RGS12: variants seen among roughly 807,000 people sequenced by gnomAD.
The protein encoded by RGS12 is regulator of G-protein signaling 12.
Under a neutral mutation model 120.1 loss-of-function variants are expected in RGS12, and 66 were observed. The observed-to-expected ratio is 0.55, with a 90% confidence interval of 0.45 to 0.67. The LOEUF is 0.67. Among genes scored for constraint, RGS12 ranks in the 30% least tolerant of loss-of-function variants. The pLI is 0.00. For synonymous variants in RGS12, 827 were observed against 804.7 expected (o/e 1.03, Z -0.47); for missense variants, 1,859 against 1,957.7 (o/e 0.95, Z 0.95).
intron 14 of RGS12, among the ~76,000 whole-genome samples, chr4:3,427,082 C>T (rs1723735853): frequency 6.6e-6 from 1 of 152,208 alleles, no homozygotes; most frequent in African/African-American, 2.4e-5. Flanking sequence ...CTCCCCTCCC[C>T]AACTCCTCAC....
intron 1 of RGS12, among the ~76,000 whole-genome samples, chr4:3,309,729 G>A (rs1724237017): frequency 7.0e-6 from 1 of 143,740 alleles, no homozygotes; most frequent in African/African-American, 2.6e-5. Flanking sequence ...AATGGCAGGT[G>A]TCCTCTGAGG....
At chr4:3,325,475 A>T (rs1480241226) in intron 2 of RGS12, among the ~76,000 whole-genome samples, 1 of 152,212 alleles carries the variant, frequency 6.6e-6, no homozygotes, top group Non-Finnish European at 1.5e-5. Context: ...CATCCTTGAT[A>T]GCTTGTCACA....
intron 17 of RGS12, among the ~76,000 whole-genome samples, chr4:3,438,214 A>G (rs1049225043): frequency 6.6e-6 from 1 of 151,932 alleles, no homozygotes; most frequent in Non-Finnish European, 1.5e-5. Context: ...CAAGGCCTCC[A>G]CCCTGGCATG....
At chr4:3,404,616 C>T (rs1027381132) in intron 4 of RGS12, among the ~76,000 whole-genome samples, 3 of 152,174 alleles carry the variant, frequency 2.0e-5, no homozygotes, top group Non-Finnish European at 4.4e-5. Flanking sequence ...AGGATGTGCT[C>T]AGGGTGTTGG....
rs768591229 is a variant in RGS12, at chr4:3,317,942, C to T, written c.1772C>T (p.Ala591Val). 1.1e-5 allele frequency: 17 copies of T among 1,614,040 alleles called. No homozygotes were observed. The highest frequency in any genetic ancestry group is 1.6e-4 in the Middle Eastern group (1 of 6,082). Residue 591 changes from alanine to valine, a missense_variant, in exon 2 of 18, where the codon GCG becomes GTG. Transcript: ENST00000336727. ...ADRYRVEGSF[A>V]QPPLNAPKRE... The stretch of plus-strand genomic sequence containing the variant: ...CGCTACAGGGTGGAGGGCAGCTTCG[C>T]GCAGCCCCCGCTGAATGCCCCGAAG...
At chr4:3,312,246 A>G (rs528944507) in intron 1 of RGS12, among the ~76,000 whole-genome samples, 53 of 152,220 alleles carry the variant, frequency 3.5e-4, no homozygotes, top group Non-Finnish European at 4.6e-4. Context: ...AGTTTTAAAA[A>G]AAATTAAACT....
intron 17 of RGS12, chr4:3,432,325 A>G: frequency 2.9e-6 from 1 of 343,310 alleles, no homozygotes; most frequent in Non-Finnish European, 4.1e-6. Context: ...TATACCATCC[A>G]CTGAACAAAA....
chr4:3,411,391 CGT>C (rs1721718010), intron 4 of RGS12, among the ~76,000 whole-genome samples: 1 of 151,836 alleles, frequency 6.6e-6, no homozygotes. Context: ...TGTGTGTTCT[CGT>C]GTTAGGCCTG....
At chr4:3,399,537 G>C (rs919625722) in intron 4 of RGS12, among the ~76,000 whole-genome samples, 1 of 152,178 alleles carries the variant, frequency 6.6e-6, no homozygotes, top group African/African-American at 2.4e-5. Context: ...AGACTAAGAA[G>C]TAACACTATA....
intron 10 of RGS12, among the ~76,000 whole-genome samples, chr4:3,422,043 G>A (rs555015671): frequency 2.0e-5 from 3 of 152,336 alleles, no homozygotes; most frequent in Admixed American, 1.3e-4. Context: ...CCCTGGGAGG[G>A]AGTGGTCCTC....
In RGS12 at chr4:3,414,839, A is replaced by C; in HGVS notation, c.2278A>C (p.Lys760Gln). 6.2e-7 allele frequency: 1 copy of C among 1,611,184 alleles called. No individual in the cohort carries two copies. The highest frequency in any genetic ancestry group is 8.5e-7 in the Non-Finnish European group (1 of 1,177,308). The change falls in exon 6 of 18, where the codon AAG (lysine) becomes CAG (glutamine). Residue 760 changes from lysine to glutamine, a missense_variant. By Grantham distance (53) the Lys-to-Gln change is moderately conservative. This residue lies in a region of RGS12 where 375 missense variants were observed against 475.0 expected (regional missense o/e 0.79). Transcript: ENST00000336727. ...YFNHVPAHDK[K>Q]ELSYRAREIF... ...TAATCATGTTCCTGCACATGACAAAAAGGAGGTAAGTCCACGCTTGGGAAG... is the reference window on the plus strand; with the variant it reads ...TAATCATGTTCCTGCACATGACAAACAGGAGGTAAGTCCACGCTTGGGAAG...
chr4:3,439,073 A>T (rs372986532), intron 17 of RGS12, among the ~76,000 whole-genome samples: 1 of 151,016 alleles, frequency 6.6e-6, no homozygotes, highest in African/African-American at 2.4e-5. Flanking sequence ...GCCCTTGAGG[A>T]TGGGCCCTGG....
intron 17 of RGS12, among the ~76,000 whole-genome samples, chr4:3,436,116 CAG>C (rs1228965361): frequency 2.0e-5 from 3 of 148,478 alleles, no homozygotes; most frequent in Non-Finnish European, 4.6e-5. Context: ...CCCACACGGA[CAG>C]GGGGACCTTG....
rs571841898 is a variant in RGS12 at position 3,422,460 on chromosome 4, G to A, written c.2923G>A (p.Val975Met). Reference sequence around the variant, plus strand: ...TCATCTCCCGGATGGGACATCCTGCGTGGTGGCTGTCAAGGCGGGCTTCTC... The same window carrying A: ...TCATCTCCCGGATGGGACATCCTGCATGGTGGCTGTCAAGGCGGGCTTCTC... ...CIHLPDGTSC[V>M]VAVKAGFSIK... Residue 975 changes from valine (V) to methionine (M), a missense_variant, in exon 11 of 18, where the codon GTG becomes ATG. By Grantham distance (21) the Val-to-Met change is conservative. Around this residue, in one of 3 missense-constraint regions of RGS12, gnomAD observed 375 missense variants for 475.0 expected, o/e 0.79. Coordinates refer to ENST00000336727, the MANE Select transcript of RGS12 (RefSeq NM_001394154.1). The A allele has an allele frequency of 1.0e-4, 167 of 1,613,190 alleles. 1 individual carries two copies. The highest frequency in any genetic ancestry group is 1.2e-4 in the Non-Finnish European group (139 of 1,179,984).
intron 1 of RGS12, among the ~76,000 whole-genome samples, chr4:3,309,574 G>T (rs1263293327): frequency 2.8e-4 from 36 of 130,664 alleles, no homozygotes; most frequent in African/African-American, 9.2e-4. Context: ...GCAGGTGTCT[G>T]CTGAGGGGAA....
intron 9 of RGS12, chr4:3,419,376 G>A (rs1190549353): frequency 2.6e-5 from 4 of 151,304 alleles, no homozygotes; most frequent in Non-Finnish European, 5.9e-5. Context: ...GGTACTTTCA[G>A]TCCCAGTTAC....
chr4:3,414,988 C>G, intron 6 of RGS12, 144 bp downstream of exon 6: 3 of 313,784 alleles, frequency 9.6e-6, no homozygotes, highest in South Asian at 4.1e-5. Flanking sequence ...TGAGAGGTTG[C>G]GTGTGAGGGG....
intron 2 of RGS12, among the ~76,000 whole-genome samples, chr4:3,342,126 C>T (rs563638273): frequency 6.6e-6 from 1 of 152,018 alleles, no homozygotes; most frequent in African/African-American, 2.4e-5. Context: ...CTACAAGACT[C>T]TTATGCAGGT....
Position 3,366,717 on chromosome 4 carries a change from G to C in RGS12, c.1999-19699G>C, listed in dbSNP as rs1196288713. Among the ~76,000 whole-genome samples the C allele has an allele frequency of 6.6e-6, 1 of 152,212 alleles. No individual in the cohort carries two copies. Among genetic ancestry groups the C allele is most frequent in the Non-Finnish European group, 1.5e-5 (1 of 68,030 alleles). ...GCTCAGGAGGCCCTGGTTAGGCTGG[G>C]GCATCACGGGATGTGTCCTCTAGCA... On this transcript the variant is annotated intron_variant, in intron 3 of 17. Coordinates refer to ENST00000336727, the MANE Select transcript of RGS12 (RefSeq NM_001394154.1). This position sits in a 1 kb window ranked among gnomAD's most constrained non-coding sequence, Gnocchi z 4.0.
Sources: gnomAD v4.1 joint callset for allele counts (sites outside exome capture counted in the v4.1 genomes callset) on GRCh38, gnomAD v4.1.1 for gene constraint, gnomAD v4.1.1 regional missense constraint, Gnocchi (gnomAD v3.1) non-coding constraint, MANE v1.5 for transcripts, NCBI Gene and HGNC (gene_info 2026-07-23, HGNC 2026-07-21) for gene names.